GPR89B: variants seen among roughly 807,000 people sequenced by gnomAD.
The protein encoded by GPR89B is golgi pH regulator B.
A neutral mutation model predicts 52.4 loss-of-function variants in GPR89B; 25 were observed. The observed-to-expected ratio is 0.48, with a 90% CI of 0.35 to 0.67. The LOEUF (loss-of-function observed/expected upper bound fraction) is 0.67, where lower values mean the gene tolerates loss of function less well. Ranked by LOEUF, GPR89B falls within the 30% of genes least tolerant of loss-of-function variation. The pLI is 0.01. For synonymous variants in GPR89B, 52 were observed against 151.2 expected, an observed-to-expected ratio of 0.34 and a Z score of 4.81; for missense variants, 146 against 450.2, an observed-to-expected ratio of 0.32 and a Z score of 6.11.
intron 10 of GPR89B, among the ~76,000 whole-genome samples, chr1:147,979,914 C>T (rs1471374233): frequency 4.0e-5 from 6 of 151,680 alleles, no homozygotes; most frequent in Non-Finnish European, 7.4e-5. Context: ...CATAGCAAGA[C>T]CCCATCTCAG....
At chr1:147,975,102 T>A (rs1168444826) in intron 10 of GPR89B, among the ~76,000 whole-genome samples, 82 of 147,444 alleles carry the variant, frequency 5.6e-4, no homozygotes, top group African/African-American at 2.0e-3. Flanking sequence ...TTCACATCAA[T>A]GTTCTTCAGG....
At chr1:147,970,525 C>CTCTT (rs1240687295) in intron 10 of GPR89B, among the ~76,000 whole-genome samples, 1 of 145,016 alleles carries the variant, frequency 6.9e-6, no homozygotes, top group African/African-American at 2.5e-5. Context: ...CTCTCTCTCT[C>CTCTT]TCTCTCTCTA....
chr1:147,968,019 G>A (rs1657155038), intron 8 of GPR89B: 3 of 325,136 alleles, frequency 9.2e-6, no homozygotes. Context: ...CAGAGAGGAG[G>A]GAGGATTTAG....
At chr1:148,013,036 G>C in the GPR89B span, among the ~76,000 whole-genome samples, 1 of 152,104 alleles carries the variant, frequency 6.6e-6, no homozygotes, top group Non-Finnish European at 1.5e-5. Context: ...TGATGATTCA[G>C]ATGATGTTAC....
intron 7 of GPR89B, among the ~76,000 whole-genome samples, chr1:147,962,684 G>A (rs1656685301): frequency 2.6e-5 from 4 of 151,668 alleles, no homozygotes; most frequent in African/African-American, 9.7e-5. Context: ...ATCACTTAAG[G>A]TCAGGAGTTC....
intron 10 of GPR89B, among the ~76,000 whole-genome samples, chr1:147,982,051 TTTTATTTA>T (rs1311473007): frequency 6.6e-6 from 1 of 151,628 alleles, no homozygotes; most frequent in Non-Finnish European, 1.5e-5. Context: ...TGTTTAACCT[TTTTATTTA>T]TTTATTTATT....
At chr1:147,966,131 G>A (rs1376229496) in intron 7 of GPR89B, among the ~76,000 whole-genome samples, 1 of 151,996 alleles carries the variant, frequency 6.6e-6, no homozygotes, top group Admixed American at 6.5e-5. Flanking sequence ...ACAGGAGTGA[G>A]CCACCATACC....
chr1:147,946,824 A>G (rs1208732498), intron 5 of GPR89B, among the ~76,000 whole-genome samples: 5 of 152,012 alleles, frequency 3.3e-5, no homozygotes, highest in Non-Finnish European at 7.4e-5. Context: ...AAAGCTAGGG[A>G]GATAGTTTCA....
intron 7 of GPR89B, among the ~76,000 whole-genome samples, chr1:147,954,893 AT>A (rs1269081373): frequency 1.3e-5 from 2 of 151,952 alleles, no homozygotes; most frequent in East Asian, 3.8e-4. Context: ...TCACATGTTT[AT>A]TTTTTTGTGG....
the GPR89B span, among the ~76,000 whole-genome samples, chr1:148,021,065 CG>C: frequency 6.0e-4 from 91 of 152,020 alleles, 3 homozygotes; most frequent in African/African-American, 2.1e-3. Flanking sequence ...TGCGTTTCTA[CG>C]TATTTGGCCC....
chr1:147,976,010 G>C (rs1290870785), intron 10 of GPR89B, among the ~76,000 whole-genome samples: 2 of 152,258 alleles, frequency 1.3e-5, no homozygotes, highest in Admixed American at 1.3e-4. Flanking sequence ...ATTGTCCTGT[G>C]GTCTGAGAGA....
chr1:147,963,370 C>T (rs1453779337), intron 7 of GPR89B, among the ~76,000 whole-genome samples: 4 of 141,960 alleles, frequency 2.8e-5, no homozygotes, highest in African/African-American at 1.1e-4. Flanking sequence ...AGCAAGACTC[C>T]TTCTTAAAAA....
chr1:147,964,181 C>G (rs2149071771), intron 7 of GPR89B, among the ~76,000 whole-genome samples: 1 of 151,092 alleles, frequency 6.6e-6, no homozygotes, highest in Non-Finnish European at 1.5e-5. Flanking sequence ...GTAAAGGGTA[C>G]ATGGAATCTC....
At chr1:148,017,232 A>T in the GPR89B span, among the ~76,000 whole-genome samples, 1 of 151,286 alleles carries the variant, frequency 6.6e-6, no homozygotes. Context: ...TAGTAGAGAC[A>T]GGGGTTTCAC....
At chr1:147,983,251 A>T (rs1215723426) in intron 10 of GPR89B, among the ~76,000 whole-genome samples, 3 of 152,334 alleles carry the variant, frequency 2.0e-5, no homozygotes, top group African/African-American at 7.2e-5. Flanking sequence ...ACCATTCAGG[A>T]CATAGGCATG....
chr1:147,997,950 T>C (rs1659355267), downstream of GPR89B, among the ~76,000 whole-genome samples: 1 of 152,210 alleles, frequency 6.6e-6, no homozygotes, highest in Non-Finnish European at 1.5e-5. Flanking sequence ...GTCACTTCTA[T>C]TATGCCAAAC....
the GPR89B span, chr1:148,009,253 G>A: frequency 6.8e-7 from 1 of 1,477,764 alleles, no homozygotes; most frequent in Non-Finnish European, 9.3e-7. Flanking sequence ...GTCAGTCGAA[G>A]AAAAGTCATT....
chr1:148,014,524 T>G, the GPR89B span: 4 of 151,378 alleles, frequency 2.6e-5, no homozygotes, highest in Admixed American at 2.6e-4. Flanking sequence ...TGTGGTGGAC[T>G]AGCCTCCTCC....
At chr1:147,981,092 C>T (rs1259361095) in intron 10 of GPR89B, among the ~76,000 whole-genome samples, 2 of 151,260 alleles carry the variant, frequency 1.3e-5, no homozygotes, top group Non-Finnish European at 2.9e-5. Flanking sequence ...AGACGAGTCT[C>T]ACTATATTGC....
Sources: gnomAD v4.1 joint callset for allele counts (sites outside exome capture counted in the v4.1 genomes callset) on GRCh38, gnomAD v4.1.1 for gene constraint, MANE v1.5 for transcripts, NCBI Gene and HGNC (gene_info 2026-07-23, HGNC 2026-07-21) for gene names.